Variants in XIRP2 observed in about 807,000 individuals in gnomAD.
XIRP2 encodes xin actin binding repeat containing 2.
A neutral mutation model predicts 277.0 loss-of-function variants in XIRP2; 236 were observed. That is an observed-to-expected ratio of 0.85 (90% CI 0.77 to 0.95). XIRP2 has a LOEUF of 0.95. XIRP2 is among the 40% of genes least tolerant of loss of function. The probability of loss-of-function intolerance (pLI) is 0.00; values close to 1 mark genes in which losing one functional copy is unlikely to be tolerated. For missense variants in XIRP2, 4,640 were observed against 4,157.5 expected, an observed-to-expected ratio of 1.12 and a Z score of -3.19; for synonymous variants, 1,490 against 1,416.5, an observed-to-expected ratio of 1.05 and a Z score of -1.17.
chr2:167,232,573 G>T (rs1694791288), intron 5 of XIRP2, among the ~76,000 whole-genome samples: 1 of 151,872 alleles, frequency 6.6e-6, no homozygotes, highest in African/African-American at 2.4e-5. Context: ...GGAGGGCCTT[G>T]CTTACTACCA....
chr2:166,924,146 G>T (rs1685126110), intron 2 of XIRP2, among the ~76,000 whole-genome samples: 2 of 152,054 alleles, frequency 1.3e-5, no homozygotes, highest in South Asian at 2.1e-4. Context: ...TTGTGTGTGG[G>T]CTCATCGGGA....
At chr2:167,081,761 T>G (rs1689743211) in intron 2 of XIRP2, among the ~76,000 whole-genome samples, 1 of 152,096 alleles carries the variant, frequency 6.6e-6, no homozygotes, top group African/African-American at 2.4e-5. Flanking sequence ...CACAAGAAGG[T>G]GTAATTGGCT....
chr2:167,257,746 T>C, intron 10 of XIRP2, 111 bp from the exon 11 acceptor site: 1 of 1,024,814 alleles, frequency 9.8e-7, no homozygotes, highest in Non-Finnish European at 1.4e-6. Context: ...CCATTCCCAT[T>C]GCTAGTAACT....
chr2:167,236,905 C>T (rs1641033613), intron 5 of XIRP2, among the ~76,000 whole-genome samples: 1 of 152,028 alleles, frequency 6.6e-6, no homozygotes, highest in Non-Finnish European at 1.5e-5. Context: ...CTATAGACAC[C>T]AACAATTAGA....
chr2:167,093,278 A>G (rs1690201622), intron 2 of XIRP2, among the ~76,000 whole-genome samples: 1 of 151,724 alleles, frequency 6.6e-6, no homozygotes, highest in Non-Finnish European at 1.5e-5. Context: ...GTTTGATTAT[A>G]TATATATATA....
intron 2 of XIRP2, among the ~76,000 whole-genome samples, chr2:167,035,767 T>C (rs924276543): frequency 6.6e-6 from 1 of 152,016 alleles, no homozygotes; most frequent in Admixed American, 6.5e-5. Flanking sequence ...CTCCAGGCCA[T>C]GTCTGGGAAC....
intron 3 of XIRP2, among the ~76,000 whole-genome samples, chr2:167,142,053 T>C (rs528482690): frequency 6.6e-6 from 1 of 152,256 alleles, no homozygotes; most frequent in Non-Finnish European, 1.5e-5. Flanking sequence ...ATCTTGCCAC[T>C]GTCACCAATG....
intron 3 of XIRP2, among the ~76,000 whole-genome samples, chr2:167,155,432 C>G (rs924531546): frequency 2.0e-5 from 3 of 152,036 alleles, no homozygotes; most frequent in Non-Finnish European, 4.4e-5. Context: ...GGATGCAAGG[C>G]TGGTTCAATA....
chr2:167,247,034 G>A lies in XIRP2; in HGVS notation c.5642G>A (p.Arg1881Gln), dbSNP rs771369635. ...TLKSLKESSH[R>Q]WKESKQPDAI... ...AAGTCACTTAAAGAATCAAGCCATC[G>A]ATGGAAAGAATCTAAACAGCCTGAT... The change falls in exon 9 of 11, where the codon CGA becomes CAA. Residue 1881 changes from arginine (R) to glutamine (Q), a missense_variant. Transcript: ENST00000409195. The A allele has an allele frequency of 8.7e-6, 14 of 1,613,268 alleles. No homozygotes were observed. Among genetic ancestry groups the A allele is most frequent in the Admixed American group, 6.7e-5 (4 of 59,896 alleles).
chr2:167,020,622 T>C (rs1022967983), intron 2 of XIRP2, among the ~76,000 whole-genome samples: 4 of 152,000 alleles, frequency 2.6e-5, no homozygotes, highest in African/African-American at 7.2e-5. Flanking sequence ...CTATGATTTC[T>C]TCAGGATAGG....
chr2:167,050,046 T>G (rs16852885), intron 2 of XIRP2, among the ~76,000 whole-genome samples: 10,574 of 152,132 alleles, frequency 0.07, 424 homozygotes, highest in African/African-American at 0.11. Flanking sequence ...TATGGAAATT[T>G]TCTTCCACTT....
At chr2:166,943,134 T>G (rs545538538) in intron 2 of XIRP2, among the ~76,000 whole-genome samples, 1 of 152,264 alleles carries the variant, frequency 6.6e-6, no homozygotes, top group African/African-American at 2.4e-5. Context: ...AATAAAAACA[T>G]TTTCTCTTTA....
chr2:167,047,100 G>A (rs556665857), intron 2 of XIRP2, among the ~76,000 whole-genome samples: 1 of 151,908 alleles, frequency 6.6e-6, no homozygotes, highest in Admixed American at 6.6e-5. Flanking sequence ...AGAGTTTTAG[G>A]TCAATGGTCT....
intron 2 of XIRP2, among the ~76,000 whole-genome samples, chr2:167,035,522 G>A (rs1409780252): frequency 2.6e-5 from 4 of 152,132 alleles, no homozygotes; most frequent in Non-Finnish European, 4.4e-5. Context: ...GATGATTTAG[G>A]GTATCTGGTA....
chr2:166,948,512 G>T (rs771553681), intron 2 of XIRP2, among the ~76,000 whole-genome samples: 2 of 152,010 alleles, frequency 1.3e-5, no homozygotes, highest in Non-Finnish European at 2.9e-5. Flanking sequence ...ATGTACCTCA[G>T]AAATTTTGTA....
intron 2 of XIRP2, among the ~76,000 whole-genome samples, chr2:167,081,309 A>T (rs533143249): frequency 6.6e-6 from 1 of 152,280 alleles, no homozygotes; most frequent in South Asian, 2.1e-4. Context: ...TCTGCAAAAA[A>T]TAAAAATTAA....
chr2:167,244,579 C>T lies in XIRP2; in HGVS notation c.3187C>T (p.Pro1063Ser). ...TGCCAAATGGTTGTTTGAAACCCAACCTCTTGATTCAATTAAATATTTTAG... is the reference window on the plus strand; with the variant it reads ...TGCCAAATGGTTGTTTGAAACCCAATCTCTTGATTCAATTAAATATTTTAG... ...KSAKWLFETQ[P>S]LDSIKYFSDV... is the part of the protein sequence containing the mutation. Residue 1063 changes from proline to serine, a missense_variant, in exon 9 of 11, where the codon CCT becomes TCT. Coordinates refer to ENST00000409195, the MANE Select transcript of XIRP2 (RefSeq NM_152381.6). 1 of 1,612,380 alleles carries T rather than the reference C, an allele frequency of 6.2e-7. No homozygotes were observed. Among genetic ancestry groups the T allele is most frequent in the Non-Finnish European group, 8.5e-7 (1 of 1,179,388 alleles).
rs1689565194 is a variant in XIRP2 at position 167,076,145 on chromosome 2, AG to A, written c.409-59763del. 4.6e-5 allele frequency among the ~76,000 whole-genome samples: 7 copies of A among 152,308 alleles called. No homozygotes were observed. In the South Asian group the frequency reaches 1.4e-3, roughly 32 times the overall value. On this transcript the variant is annotated intron_variant, in intron 2 of 10. Transcript: ENST00000409195. ...GATGTTTACTGATTATGAAAAAAAA[AG>A]TGTTTCACTTCTCTAGCTTCTATTT...
chr2:167,184,406 T>C, intron 3 of XIRP2: 1 of 622,044 alleles, frequency 1.6e-6, no homozygotes, highest in Admixed American at 2.9e-5. Context: ...GATTGTATCC[T>C]GCTATCCTGT....
Sources: allele counts gnomAD v4.1 joint callset (sites outside exome capture counted in the v4.1 genomes callset), GRCh38; gene constraint gnomAD v4.1.1; transcripts MANE v1.5; gene names NCBI Gene and HGNC (gene_info 2026-07-23, HGNC 2026-07-21).